The following ARHGEF11 variants were observed in gnomAD, a reference collection of about 807,000 sequenced individuals.
ARHGEF11 encodes Rho guanine nucleotide exchange factor 11, also known as Rho guanine exchange factor (GEF) 11.
In ARHGEF11, 55 loss-of-function variants were observed where a neutral mutation model predicts 193.7. The ratio of observed to expected loss-of-function variants is 0.28; its 90% CI spans 0.23 to 0.36. ARHGEF11 has a LOEUF of 0.36. Ranked by LOEUF, ARHGEF11 falls within the 10% of genes least tolerant of loss-of-function variation. The probability of loss-of-function intolerance (pLI) is 1.00; values close to 1 mark genes in which losing one functional copy is unlikely to be tolerated. For synonymous variants in ARHGEF11, 693 were observed against 768.0 expected (o/e 0.90, Z 1.62); for missense variants, 1,723 against 2,005.6 (o/e 0.86, Z 2.69).
chr1:157,023,456 T>C (rs1670235808), intron 1 of ARHGEF11, among the ~76,000 whole-genome samples: 1 of 152,264 alleles, frequency 6.6e-6, no homozygotes, highest in Non-Finnish European at 1.5e-5. Context: ...ATGCCCACTG[T>C]CCAGCTATAA....
At chr1:157,029,906 T>C (rs753787909) in intron 1 of ARHGEF11, among the ~76,000 whole-genome samples, 2 of 152,176 alleles carry the variant, frequency 1.3e-5, no homozygotes, top group Non-Finnish European at 1.5e-5. Context: ...AAACCACATA[T>C]TGTGTTATTA....
intron 1 of ARHGEF11, 67 bp from the exon 2 acceptor site, chr1:156,986,240 A>G: frequency 1.5e-6 from 2 of 1,376,742 alleles, no homozygotes; most frequent in Non-Finnish European, 2.0e-6. Flanking sequence ...TAGTAGATGG[A>G]GGCTCTGTCA....
Position 156,947,881 on chromosome 1 carries a change from C to T in ARHGEF11, c.2229G>A (p.Gln743=). ...CTGGCTCTGGCTCCAGGTCAGACAG[C>T]TGGCCCAGATCATCCTCTAGGAGGT... ...LPHLLEDDLG[Q]LSDLEPEPDA... is the part of the protein sequence containing the mutation. Residue 743 remains glutamine (Q), a synonymous_variant, in exon 25 of 41, where the codon CAG becomes CAA. Coordinates refer to ENST00000368194, the MANE Select transcript of ARHGEF11 (RefSeq NM_198236.3). 1 of 1,614,162 alleles carries T rather than the reference C, an allele frequency of 6.2e-7. No homozygotes were observed. Among genetic ancestry groups the T allele is most frequent in the South Asian group, 1.1e-5 (1 of 91,074 alleles).
chr1:157,021,548 G>A (rs758448485), intron 1 of ARHGEF11, among the ~76,000 whole-genome samples: 3 of 152,206 alleles, frequency 2.0e-5, no homozygotes, highest in Non-Finnish European at 2.9e-5. Context: ...GTCCAAGACA[G>A]TAATGATGGT....
chr1:156,960,565 T>C, intron 14 of ARHGEF11, 105 bp from the exon 15 acceptor site: 1 of 990,150 alleles, frequency 1.0e-6, no homozygotes. Flanking sequence ...TTCTTGCCTT[T>C]TCGCCTACAT....
At chr1:156,997,115 C>T (rs997651140) in intron 1 of ARHGEF11, among the ~76,000 whole-genome samples, 5 of 151,870 alleles carry the variant, frequency 3.3e-5, no homozygotes, top group Non-Finnish European at 5.9e-5. Flanking sequence ...GCAATCCTCC[C>T]GCCTCAGCCT....
At chr1:157,011,413 T>C (rs1407777134) in intron 1 of ARHGEF11, among the ~76,000 whole-genome samples, 4 of 152,144 alleles carry the variant, frequency 2.6e-5, no homozygotes, top group African/African-American at 9.7e-5. Flanking sequence ...CTTTGTGACC[T>C]TGAGTTAGGC....
chr1:157,017,373 T>G (rs1168273148), intron 1 of ARHGEF11, among the ~76,000 whole-genome samples: 2 of 152,026 alleles, frequency 1.3e-5, no homozygotes, highest in Non-Finnish European at 1.5e-5. Flanking sequence ...GAATCACTAG[T>G]GTCTGATACA....
At chr1:156,982,524 A>C (rs1177342412) in intron 3 of ARHGEF11, among the ~76,000 whole-genome samples, 1 of 152,110 alleles carries the variant, frequency 6.6e-6, no homozygotes, top group Non-Finnish European at 1.5e-5. Context: ...TCTCCTCCCC[A>C]ACACACACAT....
intron 38 of ARHGEF11, 113 bp from the exon 39 acceptor site, chr1:156,937,609 C>G (rs1655753795): frequency 8.5e-7 from 1 of 1,181,676 alleles, no homozygotes; most frequent in Non-Finnish European, 1.2e-6. Flanking sequence ...GCAGTCCTCT[C>G]CAGACAAACT....
At chr1:156,974,654 G>C (rs938099333) in intron 7 of ARHGEF11, among the ~76,000 whole-genome samples, 1 of 152,156 alleles carries the variant, frequency 6.6e-6, no homozygotes, top group Admixed American at 6.5e-5. Context: ...GTACCTGTAA[G>C]CAGTCACTCC....
chr1:156,980,580 C>A (rs1226128548), intron 3 of ARHGEF11, 94 bp from the exon 4 acceptor site: 1 of 1,378,198 alleles, frequency 7.3e-7, no homozygotes, highest in Non-Finnish European at 1.0e-6. Context: ...TCTGAAATTT[C>A]CTCTTATTTC....
At chr1:156,974,082 T>C (rs1385487099) in intron 7 of ARHGEF11, among the ~76,000 whole-genome samples, 1 of 152,184 alleles carries the variant, frequency 6.6e-6, no homozygotes, top group East Asian at 1.9e-4. Context: ...TTTTCTTTTT[T>C]TTTTTGAGAC....
chr1:156,980,617 G>T, intron 3 of ARHGEF11, 131 bp from the exon 4 acceptor site: 1 of 1,004,070 alleles, frequency 1.0e-6, no homozygotes, highest in Non-Finnish European at 1.5e-6. Flanking sequence ...CAAATTCTGG[G>T]TGTACTTCCT....
intron 13 of ARHGEF11, among the ~76,000 whole-genome samples, chr1:156,962,961 GT>G (rs1260244252): frequency 5.4e-5 from 8 of 147,504 alleles, no homozygotes; most frequent in Non-Finnish European, 1.0e-4. Context: ...TCAAGAATGA[GT>G]TTTCCTGGCC....
intron 35 of ARHGEF11, among the ~76,000 whole-genome samples, chr1:156,940,937 G>C (rs1164817886): frequency 6.6e-6 from 1 of 152,202 alleles, no homozygotes. Flanking sequence ...CTCTCAATGA[G>C]AATGCTGTCC....
At chr1:156,984,272 G>T in intron 3 of ARHGEF11, 67 bp downstream of exon 3, 1 of 1,260,484 alleles carries the variant, frequency 7.9e-7, no homozygotes, top group Non-Finnish European at 1.1e-6. Flanking sequence ...AGGTAGAATG[G>T]CACTGTCACA....
chr1:156,950,403 G>A (rs1445239665), intron 22 of ARHGEF11, among the ~76,000 whole-genome samples: 1 of 152,178 alleles, frequency 6.6e-6, no homozygotes, highest in Admixed American at 6.5e-5. Flanking sequence ...TTGGGAGGCT[G>A]AGGCAGGAAG....
intron 1 of ARHGEF11, among the ~76,000 whole-genome samples, chr1:157,001,638 T>C (rs1667216556): frequency 6.6e-6 from 1 of 152,214 alleles, no homozygotes; most frequent in Non-Finnish European, 1.5e-5. Flanking sequence ...TTTGCAGATC[T>C]AGATCACACA....
Sources: gnomAD v4.1 joint callset for allele counts (sites outside exome capture counted in the v4.1 genomes callset) on GRCh38, gnomAD v4.1.1 for gene constraint, MANE v1.5 for transcripts, NCBI Gene and HGNC (gene_info 2026-07-23, HGNC 2026-07-21) for gene names.